Variants in CCDC25 observed in about 807,000 individuals in gnomAD.
The protein encoded by CCDC25 is coiled-coil domain containing 25, also known as coiled-coil domain-containing protein 25.
Under a neutral mutation model 35.3 loss-of-function variants are expected in CCDC25, and 16 were observed. That is an observed-to-expected ratio of 0.45 (90% confidence interval 0.31 to 0.69). The LOEUF (loss-of-function observed/expected upper bound fraction) is 0.69. Ranked by LOEUF, CCDC25 falls within the 30% of genes least tolerant of loss-of-function variation. The probability of loss-of-function intolerance (pLI) is 0.06; values close to 1 mark genes in which losing one functional copy is unlikely to be tolerated. For missense variants in CCDC25, 179 were observed against 250.7 expected, an observed-to-expected ratio of 0.71 and a Z score of 1.93; for synonymous variants, 79 against 80.3, an observed-to-expected ratio of 0.98 and a Z score of 0.09.
intron 7 of CCDC25, among the ~76,000 whole-genome samples, chr8:27,740,856 G>A (rs999344626): frequency 2.6e-5 from 4 of 152,174 alleles, no homozygotes; most frequent in African/African-American, 9.7e-5. Flanking sequence ...AAGATTCACA[G>A]CTGAGGTATA....
intron 7 of CCDC25, among the ~76,000 whole-genome samples, chr8:27,744,845 C>A (rs1803553736): frequency 6.6e-6 from 1 of 152,158 alleles, no homozygotes; most frequent in African/African-American, 2.4e-5. Context: ...CCACATTATC[C>A]TCCATGCTGA....
chr8:27,768,465 T>C (rs561964356), intron 1 of CCDC25, among the ~76,000 whole-genome samples: 77 of 148,598 alleles, frequency 5.2e-4, no homozygotes, highest in African/African-American at 1.8e-3. Flanking sequence ...CTAAGGAGGC[T>C]GAGGCAAGAG....
At chr8:27,769,970 C>T (rs573332869) in intron 1 of CCDC25, among the ~76,000 whole-genome samples, 8 of 152,198 alleles carry the variant, frequency 5.3e-5, no homozygotes, top group East Asian at 3.9e-4. Flanking sequence ...GGTGAAACCC[C>T]GTTTCTACTA....
At chr8:27,756,150 A>G (rs911771325) in intron 4 of CCDC25, among the ~76,000 whole-genome samples, 6 of 152,354 alleles carry the variant, frequency 3.9e-5, no homozygotes, top group Admixed American at 3.3e-4. Flanking sequence ...ACATTTTTCC[A>G]AAGTTGAAAG....
intron 1 of CCDC25, among the ~76,000 whole-genome samples, chr8:27,770,134 A>T (rs747014989): frequency 2.6e-5 from 4 of 151,896 alleles, no homozygotes; most frequent in South Asian, 2.1e-4. Flanking sequence ...ACAGAGGGAG[A>T]CTCCATCTCA....
intron 7 of CCDC25, among the ~76,000 whole-genome samples, chr8:27,741,451 C>T (rs1411164867): frequency 2.6e-5 from 4 of 152,184 alleles, no homozygotes; most frequent in African/African-American, 4.8e-5. Flanking sequence ...GAGGCCAACG[C>T]GGGCAGATCA....
intron 7 of CCDC25, 148 bp from the exon 8 acceptor site, chr8:27,740,665 AT>A: frequency 3.3e-6 from 2 of 608,382 alleles, no homozygotes; most frequent in Non-Finnish European, 5.6e-6. Context: ...ACTCAAGGAG[AT>A]TGCAACATTC....
intron 3 of CCDC25, among the ~76,000 whole-genome samples, chr8:27,757,803 G>A (rs567063493): frequency 1.3e-5 from 2 of 152,296 alleles, no homozygotes; most frequent in South Asian, 4.1e-4. Flanking sequence ...CCCAGCGTTA[G>A]AAGTGGGGCC....
intron 8 of CCDC25, among the ~76,000 whole-genome samples, chr8:27,738,067 G>A (rs1803301902): frequency 6.6e-6 from 1 of 152,132 alleles, no homozygotes; most frequent in African/African-American, 2.4e-5. Flanking sequence ...AAGCTATGAG[G>A]ATGCAAAGGC....
chr8:27,765,233 G>A lies in CCDC25; in HGVS notation c.47C>T (p.Thr16Ile). 6.7e-7 allele frequency: 1 copy of A among 1,500,352 alleles called. No homozygotes were observed. 92.9% of individuals were successfully genotyped at this position (1,500,352 alleles called of 1,614,324 possible). The change falls in exon 2 of 9, where the codon ACT becomes ATT. Residue 16 changes from threonine (T) to isoleucine (I), a missense_variant. Transcript: ENST00000356537. ...TSSSVNSSAY[T>I]IYMGKDKYEN... ...ATATTTATCTTTTCCCATGTAAATA[G>A]TGTAGGCAGATGAATTAACTAAGAT... is the stretch of plus-strand genomic sequence containing the variant.
chr8:27,748,055 C>T (rs772267689), intron 7 of CCDC25, 22 bp downstream of exon 7: 44 of 1,606,576 alleles, frequency 2.7e-5, no homozygotes, highest in Non-Finnish European at 3.7e-5. Flanking sequence ...AGGTCAGTCT[C>T]AATGCCACAG....
At chr8:27,768,742 A>T (rs1004016943) in intron 1 of CCDC25, among the ~76,000 whole-genome samples, 8 of 152,210 alleles carry the variant, frequency 5.3e-5, no homozygotes, top group Non-Finnish European at 1.0e-4. Context: ...GGTTATTTGG[A>T]AGACACTTGA....
At position 27,736,238 on chromosome 8, in the gene CCDC25, T is replaced by C. The variant is rs779808495; in HGVS notation, c.605A>G (p.Asn202Ser). The change falls in exon 9 of 9, where the codon AAT becomes AGT. Residue 202 changes from asparagine (N) to serine (S), a missense_variant. Physicochemically the swap from Asn to Ser is conservative, Grantham distance 46. Transcript: ENST00000356537. ...VENMSSNQDG[N>S]DSDEFM The stretch of plus-strand genomic sequence containing the variant: ...CTTTTACATGAATTCATCTGAATCA[T>C]TGCCATCCTGTAGGAAACACAAAAA... 14 of 1,607,836 alleles carry C rather than the reference T, an allele frequency of 8.7e-6. No homozygotes were observed. Among genetic ancestry groups the C allele is most frequent in the Admixed American group, 5.1e-5 (3 of 59,100 alleles).
At chr8:27,770,917 C>A (rs1804587214) in intron 1 of CCDC25, among the ~76,000 whole-genome samples, 1 of 152,138 alleles carries the variant, frequency 6.6e-6, no homozygotes, top group South Asian at 2.1e-4. Context: ...AGTAGTCCCC[C>A]CTTATCTGTG....
intron 3 of CCDC25, among the ~76,000 whole-genome samples, chr8:27,757,835 T>C (rs1279545551): frequency 6.6e-6 from 1 of 152,156 alleles, no homozygotes; most frequent in Non-Finnish European, 1.5e-5. Context: ...GACTGGATCA[T>C]GGGGGTGGAT....
At chr8:27,747,934 A>G in intron 7 of CCDC25, 143 bp downstream of exon 7, 5 of 774,386 alleles carry the variant, frequency 6.5e-6, no homozygotes, top group Non-Finnish European at 8.2e-6. Flanking sequence ...TTTTTTTAAA[A>G]AACTGATTTA....
intron 4 of CCDC25, among the ~76,000 whole-genome samples, chr8:27,753,246 T>C (rs995677201): frequency 3.9e-5 from 6 of 152,140 alleles, no homozygotes; most frequent in South Asian, 4.1e-4. Flanking sequence ...ACGTGGTGAG[T>C]AAGCAGCAGA....
At chr8:27,762,585 T>C (rs1246455197) in intron 2 of CCDC25, 127 bp from the exon 3 acceptor site, 12 of 690,314 alleles carry the variant, frequency 1.7e-5, no homozygotes, top group Admixed American at 2.7e-5. Flanking sequence ...AGAAGAGTAA[T>C]TCGGAGGCCT....
chr8:27,736,724 T>C (rs1055190420), intron 8 of CCDC25, among the ~76,000 whole-genome samples: 1 of 152,230 alleles, frequency 6.6e-6, no homozygotes, highest in African/African-American at 2.4e-5. Flanking sequence ...TCTTCTTCTT[T>C]TTTAATAGGA....
Sources: allele counts gnomAD v4.1 joint callset (sites outside exome capture counted in the v4.1 genomes callset), GRCh38; gene constraint gnomAD v4.1.1; transcripts MANE v1.5; gene names NCBI Gene and HGNC (gene_info 2026-07-23, HGNC 2026-07-21).